The following CCSER1 variants were observed in gnomAD, a reference collection of about 807,000 sequenced individuals.
The protein encoded by CCSER1 is serine-rich coiled-coil domain-containing protein 1.
A neutral mutation model predicts 82.0 loss-of-function variants in CCSER1; 41 were observed. The ratio of observed to expected loss-of-function variants is 0.50; its 90% CI spans 0.39 to 0.65. CCSER1 has a LOEUF of 0.65. CCSER1 is among the 30% of genes least tolerant of loss of function. The pLI is 0.00. For missense variants in CCSER1, 1,119 were observed against 1,064.2 expected (o/e 1.05, Z -0.72); for synonymous variants, 414 against 383.9 (o/e 1.08, Z -0.92).
intron 10 of CCSER1, among the ~76,000 whole-genome samples, chr4:91,391,467 A>G (rs1402868253): frequency 6.6e-6 from 1 of 151,714 alleles, no homozygotes; most frequent in African/African-American, 2.4e-5. Flanking sequence ...CGCCTCACTA[A>G]TTTTTTATTT....
intron 10 of CCSER1, among the ~76,000 whole-genome samples, chr4:91,121,986 C>G (rs765454348): frequency 1.3e-5 from 2 of 151,640 alleles, no homozygotes; most frequent in Non-Finnish European, 3.0e-5. Context: ...GCAGAAGATT[C>G]TGACTTATTT....
intron 10 of CCSER1, among the ~76,000 whole-genome samples, chr4:91,253,796 C>T (rs1342873521): frequency 3.3e-5 from 5 of 152,138 alleles, no homozygotes; most frequent in Non-Finnish European, 7.3e-5. Flanking sequence ...AACCTCCAGT[C>T]ATGGCAGAAG....
intron 3 of CCSER1, among the ~76,000 whole-genome samples, chr4:90,368,753 G>A (rs1017568217): frequency 1.3e-5 from 2 of 151,192 alleles, no homozygotes; most frequent in East Asian, 1.9e-4. Context: ...TTTATCCATA[G>A]CATCATATAA....
intron 3 of CCSER1, among the ~76,000 whole-genome samples, chr4:90,334,583 C>T (rs1740009494): frequency 6.6e-6 from 1 of 151,754 alleles, no homozygotes; most frequent in African/African-American, 2.4e-5. Context: ...CAGCATTTAG[C>T]CAAAGTTTCA....
chr4:91,002,490 C>G lies in CCSER1; in HGVS notation c.2172+79043C>G, dbSNP rs1428148347. On this transcript the variant is annotated intron_variant, in intron 9 of 10. Transcript: ENST00000509176. ...TTGTCAGATTGGGTTAATTGGAGAC[C>G]CTGTCTTCAAGCTCAGAAGTTCTTT... Among the ~76,000 whole-genome samples the G allele has an allele frequency of 7.9e-5, 12 of 152,074 alleles. No individual in the cohort carries two copies. In the East Asian group the frequency reaches 2.3e-3, roughly 29 times the overall value.
At chr4:91,263,846 G>A (rs941841157) in intron 10 of CCSER1, among the ~76,000 whole-genome samples, 1 of 151,868 alleles carries the variant, frequency 6.6e-6, no homozygotes, top group African/African-American at 2.4e-5. Context: ...TTCCAAAGAT[G>A]TAAGCTACTT....
At chr4:91,569,129 T>C (rs1763038517) in intron 10 of CCSER1, among the ~76,000 whole-genome samples, 1 of 152,184 alleles carries the variant, frequency 6.6e-6, no homozygotes, top group Non-Finnish European at 1.5e-5. Flanking sequence ...TTTTTGGTGT[T>C]GGATCTTTGG....
intron 3 of CCSER1, among the ~76,000 whole-genome samples, chr4:90,349,873 T>TAA (rs34629791): frequency 0.65 from 98,127 of 151,760 alleles, 32,959 homozygotes; most frequent in African/African-American, 0.82. Context: ...TGAGTTTAAG[T>TAA]AAAGTGTTCA....
At chr4:90,444,751 A>G (rs2153574806) in intron 4 of CCSER1, among the ~76,000 whole-genome samples, 1 of 151,842 alleles carries the variant, frequency 6.6e-6, no homozygotes, top group East Asian at 1.9e-4. Context: ...AATATTAGAA[A>G]CTCATGTTTT....
intron 6 of CCSER1, among the ~76,000 whole-genome samples, chr4:90,698,392 T>C (rs2149264050): frequency 6.6e-6 from 1 of 152,218 alleles, no homozygotes; most frequent in South Asian, 2.1e-4. Context: ...GAGACTGAGT[T>C]ACAGGAACTC....
intron 10 of CCSER1, among the ~76,000 whole-genome samples, chr4:91,394,607 A>G (rs950536185): frequency 6.6e-6 from 1 of 152,110 alleles, no homozygotes; most frequent in Non-Finnish European, 1.5e-5. Context: ...TCCCAGTTTT[A>G]GAAAACTATA....
At chr4:90,230,641 T>G (rs1257400513) in intron 1 of CCSER1, among the ~76,000 whole-genome samples, 3 of 147,028 alleles carry the variant, frequency 2.0e-5, no homozygotes, top group African/African-American at 7.5e-5. Flanking sequence ...CTGAAGGAAA[T>G]AGAGACACAA....
intron 10 of CCSER1, among the ~76,000 whole-genome samples, chr4:91,267,045 T>G (rs2149175203): frequency 6.6e-6 from 1 of 152,324 alleles, no homozygotes; most frequent in Non-Finnish European, 1.5e-5. Context: ...ATTTATCTCC[T>G]TCCTTCCCAC....
At chr4:91,547,698 T>G (rs1381540072) in intron 10 of CCSER1, among the ~76,000 whole-genome samples, 1 of 152,214 alleles carries the variant, frequency 6.6e-6, no homozygotes, top group East Asian at 1.9e-4. Flanking sequence ...ACAGTCATAC[T>G]AATATGTATC....
chr4:90,469,195 G>A (rs1764030544), intron 5 of CCSER1, among the ~76,000 whole-genome samples: 1 of 151,924 alleles, frequency 6.6e-6, no homozygotes, highest in Admixed American at 6.6e-5. Context: ...CTGTGTTATA[G>A]TTATTTGCTT....
chr4:90,809,632 A>G (rs1431117807), intron 7 of CCSER1, among the ~76,000 whole-genome samples: 2 of 152,126 alleles, frequency 1.3e-5, no homozygotes, highest in African/African-American at 2.4e-5. Context: ...CTTCACCACT[A>G]TACAATTCAT....
At chr4:91,152,716 A>G (rs931166596) in intron 10 of CCSER1, among the ~76,000 whole-genome samples, 19 of 152,000 alleles carry the variant, frequency 1.3e-4, no homozygotes, top group Non-Finnish European at 2.4e-4. Flanking sequence ...CAGGCCTTGT[A>G]GTGACAAAAT....
chr4:91,451,461 C>G (rs1262933565), intron 10 of CCSER1, among the ~76,000 whole-genome samples: 1 of 151,796 alleles, frequency 6.6e-6, no homozygotes, highest in Non-Finnish European at 1.5e-5. Flanking sequence ...AGAAAAAAGT[C>G]CAGCACCCAG....
intron 3 of CCSER1, among the ~76,000 whole-genome samples, chr4:90,389,527 T>C (rs1176362534): frequency 1.3e-5 from 2 of 152,090 alleles, no homozygotes; most frequent in Non-Finnish European, 2.9e-5. Flanking sequence ...AAATGAGTTA[T>C]TATTATCATT....
Sources: gnomAD v4.1 joint callset for allele counts (sites outside exome capture counted in the v4.1 genomes callset) on GRCh38, gnomAD v4.1.1 for gene constraint, MANE v1.5 for transcripts, NCBI Gene and HGNC (gene_info 2026-07-23, HGNC 2026-07-21) for gene names.